Variants in FRMD1 observed in about 807,000 individuals in gnomAD.
The protein encoded by FRMD1 is FERM domain containing 1.
In FRMD1, 51 loss-of-function variants were observed where a neutral mutation model predicts 54.9. The observed-to-expected ratio is 0.93, with a 90% CI of 0.74 to 1.17. The LOEUF is 1.17. Among genes scored for constraint, FRMD1 ranks in the 50% most tolerant of loss-of-function variants. FRMD1 has a pLI of 0.00. For synonymous variants in FRMD1, 324 were observed against 306.4 expected (o/e 1.06, Z -0.60); for missense variants, 729 against 743.0 (o/e 0.98, Z 0.22).
chr6:168,087,695 ACTCCCAGG>A (rs766920857), intron 1 of FRMD1, among the ~76,000 whole-genome samples: 2 of 151,884 alleles, frequency 1.3e-5, no homozygotes, highest in Non-Finnish European at 2.9e-5. Context: ...AGGACATCCC[ACTCCCAGG>A]CTCTCAGGCT....
Position 168,061,847 on chromosome 6 carries a change from C to T in FRMD1, c.1005G>A (p.Arg335=). Residue 335 remains arginine, a synonymous_variant, in exon 8 of 11, where the codon CGG becomes CGA. Transcript: ENST00000283309. Reference sequence around the variant, plus strand: ...GCTGCCGCAGCTGTTGCAGAGTGGGCCGCACGCGGAGGTGGAGCTGGTGGC... The same window carrying T: ...GCTGCCGCAGCTGTTGCAGAGTGGGTCGCACGCGGAGGTGGAGCTGGTGGC... ...RASHQLHLRV[R]PTLQQLRQRE... 6.4e-7 allele frequency: 1 copy of T among 1,573,610 alleles called. No homozygotes were observed. Among genetic ancestry groups the T allele is most frequent in the Non-Finnish European group, 8.6e-7 (1 of 1,160,898 alleles).
At chr6:168,088,733 C>A (rs1562436345) in intron 1 of FRMD1, among the ~76,000 whole-genome samples, 2 of 152,056 alleles carry the variant, frequency 1.3e-5, no homozygotes, top group Non-Finnish European at 2.9e-5. Flanking sequence ...TAGACAGAAC[C>A]CCCAGGCTAC....
chr6:168,078,560 CT>C lies in FRMD1; in HGVS notation c.213+321del, dbSNP rs1381763004. 1.8e-4 allele frequency among the ~76,000 whole-genome samples: 25 copies of C among 142,370 alleles called. No homozygotes were observed. The East Asian group carries it at 2.5e-3, about 14-fold the overall frequency. The allele number at this position is 142,370 out of a possible 152,430, so 93.4% of individuals were successfully genotyped here. ...CCCACGGCCCTGCTCACCCCCACGG[CT>C]CTGCTCACCCTCACAGCCCTGCTCA... On this transcript the variant is annotated intron_variant, in intron 1 of 10. Coordinates refer to ENST00000283309, the MANE Select transcript of FRMD1 (RefSeq NM_024919.6).
At chr6:168,081,753 C>T (rs1037902924), upstream of FRMD1, 50 of 432,972 alleles carry the variant, frequency 1.2e-4, no homozygotes, top group African/African-American at 8.9e-4. Context: ...AGACATCCAG[C>T]AAAGGCAGCA....
upstream of FRMD1, chr6:168,081,593 C>T (rs1458605809): frequency 3.8e-6 from 5 of 1,330,618 alleles, no homozygotes; most frequent in Non-Finnish European, 3.0e-6. Flanking sequence ...ACTCAAGCTT[C>T]GGAGCTCTAG....
chr6:168,089,374 C>T (rs754919576), intron 1 of FRMD1, among the ~76,000 whole-genome samples: 19 of 152,214 alleles, frequency 1.2e-4, no homozygotes, highest in Non-Finnish European at 2.4e-4. Flanking sequence ...CTCTAAGGCC[C>T]GTGGCCCTGG....
Position 168,057,192 on chromosome 6 carries a change from A to G in FRMD1, c.1555T>C (p.Cys519Arg), listed in dbSNP as rs866026092. 1 of 1,600,002 alleles carries G rather than the reference A, an allele frequency of 6.2e-7. No individual in the cohort carries two copies. The highest frequency in any genetic ancestry group is 1.7e-4 in the Middle Eastern group (1 of 5,984). The change falls in exon 11 of 11, where the codon TGC (cysteine) becomes CGC (arginine). Residue 519 changes from cysteine (C) to arginine (R), a missense_variant. Transcript: ENST00000283309. ...RALDCRLAGP[C>R]ETRATLPSKR... ...CTGGGGAGAGTGGCCCTGGTCTCGC[A>G]GGGGCCTGCCAGCCTGCAGTCCAGG...
At chr6:168,090,410 G>A (rs532691958) in intron 1 of FRMD1, among the ~76,000 whole-genome samples, 3 of 152,268 alleles carry the variant, frequency 2.0e-5, no homozygotes, top group South Asian at 4.1e-4. Context: ...CCACTAAGGG[G>A]TCCCTGGGCT....
intron 2 of FRMD1, among the ~76,000 whole-genome samples, chr6:168,072,581 C>T (rs781665247): frequency 3.9e-5 from 6 of 152,226 alleles, no homozygotes; most frequent in Non-Finnish European, 8.8e-5. Flanking sequence ...CCCCCAAACA[C>T]GGCGGCTCCA....
intron 4 of FRMD1, chr6:168,065,291 G>A (rs1207506397): frequency 4.6e-6 from 6 of 1,315,396 alleles, no homozygotes; most frequent in Non-Finnish European, 5.8e-6. Flanking sequence ...GCCACTAGAT[G>A]AGGCTCCACC....
Position 168,060,867 on chromosome 6 carries a change from C to T in FRMD1, c.1236G>A (p.Glu412=). 6.2e-7 allele frequency: 1 copy of T among 1,613,844 alleles called. No individual in the cohort carries two copies. The highest frequency in any genetic ancestry group is 1.1e-5 in the South Asian group (1 of 91,092). ...CCTCCAAGGGCACGTCCACAGACATCTCTCTGGATTCCCTGAGCCAGGAGT... is the reference window on the plus strand; with the variant it reads ...CCTCCAAGGGCACGTCCACAGACATTTCTCTGGATTCCCTGAGCCAGGAGT... The part of the protein sequence containing the change: ...KANSWLRESR[E]MSVDVPLEVH... The change falls in exon 9 of 11, where the codon GAG becomes GAA. Residue 412 remains glutamate (E), a synonymous_variant. Transcript: ENST00000283309.
chr6:168,091,034 G>A (rs1801008019), intron 1 of FRMD1, among the ~76,000 whole-genome samples: 1 of 152,216 alleles, frequency 6.6e-6, no homozygotes, highest in African/African-American at 2.4e-5. Flanking sequence ...TGGGCTCCGT[G>A]GGGAGAAGGT....
rs1799437780 is a variant in FRMD1, at chr6:168,057,031, A to G, written c.*66T>C. The G allele has an allele frequency of 7.0e-7, 1 of 1,425,988 alleles. No individual in the cohort carries two copies. The highest frequency in any genetic ancestry group is 1.5e-5 in the South Asian group (1 of 64,800). The allele number at this position is 1,425,988 out of a possible 1,614,324, so 88.3% of individuals were successfully genotyped here. ...TGGCGGGCAGGAAGGGACGAGGGCCATGTGGAAGTGGGGTGGGCAGGGGCT... is the reference window on the plus strand; with the variant it reads ...TGGCGGGCAGGAAGGGACGAGGGCCGTGTGGAAGTGGGGTGGGCAGGGGCT... On this transcript the variant is annotated 3_prime_UTR_variant, in exon 11 of 11. Transcript: ENST00000283309.
intron 1 of FRMD1, among the ~76,000 whole-genome samples, chr6:168,076,951 A>G (rs757535930): frequency 7.9e-5 from 12 of 152,038 alleles, no homozygotes; most frequent in Non-Finnish European, 1.0e-4. Context: ...TATACACCCC[A>G]ATAGAGGGTT....
chr6:168,073,932 C>G (rs1386913018), intron 2 of FRMD1, among the ~76,000 whole-genome samples: 1 of 151,994 alleles, frequency 6.6e-6, no homozygotes, highest in Non-Finnish European at 1.5e-5. Context: ...GGCAGCAAGA[C>G]AGGGGGATAT....
rs1452201263 is a variant in FRMD1 at position 168,059,130 on chromosome 6, C to T, written c.1401G>A (p.Val467=). 1.3e-6 allele frequency: 2 copies of T among 1,574,272 alleles called. No homozygotes were observed. The stretch of plus-strand genomic sequence containing the variant: ...CCCGTGGGGGGGACTCTACCTGGTG[C>T]ACGGCCTCGGCGCTCTGGCCTCTGG... ...VRTRGQSAEA[V]HQIQEMTAGV... is the part of the protein sequence containing the mutation. Residue 467 remains valine (V), a synonymous_variant, in exon 10 of 11, where the codon GTG becomes GTA. Transcript: ENST00000283309. This position sits in a 1 kb window ranked among gnomAD's most constrained non-coding sequence, Gnocchi z 4.4.
intron 10 of FRMD1, among the ~76,000 whole-genome samples, chr6:168,057,918 C>T (rs919123058): frequency 1.3e-5 from 2 of 152,248 alleles, no homozygotes; most frequent in Non-Finnish European, 2.9e-5. Flanking sequence ...GGGCAGGCCA[C>T]GCCGAAGATT....
At chr6:168,076,552 TC>T (rs34120913) in intron 1 of FRMD1, among the ~76,000 whole-genome samples, 1 of 152,172 alleles carries the variant, frequency 6.6e-6, no homozygotes, top group Non-Finnish European at 1.5e-5. Context: ...ATAAGGCACT[TC>T]CCCCTTCGCT....
intron 7 of FRMD1, among the ~76,000 whole-genome samples, chr6:168,062,370 A>C (rs1178353937): frequency 6.6e-6 from 1 of 152,182 alleles, no homozygotes; most frequent in East Asian, 1.9e-4. Context: ...AGAGGAACAG[A>C]GGCCACACAG....
Sources: gnomAD v4.1 joint callset for allele counts (sites outside exome capture counted in the v4.1 genomes callset) on GRCh38, gnomAD v4.1.1 for gene constraint, Gnocchi (gnomAD v3.1) non-coding constraint, MANE v1.5 for transcripts, NCBI Gene and HGNC (gene_info 2026-07-23, HGNC 2026-07-21) for gene names.